NBPF8: variants seen among roughly 807,000 people sequenced by gnomAD.
The protein encoded by NBPF8 is NBPF member 8, also known as NBPF family member NBPF8.
upstream of NBPF8, among the ~76,000 whole-genome samples, chr1:120,431,737 C>A (rs1321566508): frequency 1.3e-5 from 2 of 151,792 alleles, no homozygotes; most frequent in Non-Finnish European, 2.9e-5. Flanking sequence ...TTAAACATAA[C>A]ACAAATCAGA....
chr1:120,425,454 TTGTTAACG>T (rs1309832952), intron 1 of NBPF8, among the ~76,000 whole-genome samples: 7 of 152,112 alleles, frequency 4.6e-5, no homozygotes, highest in Non-Finnish European at 1.5e-5. Context: ...GCAGAGACAT[TTGTTAACG>T]TGTTTACCTG....
exon 25 of NBPF8, chr1:120,467,726 C>T (rs1217558714): frequency 6.6e-6 from 1 of 151,842 alleles, no homozygotes; most frequent in Non-Finnish European, 1.5e-5. Flanking sequence ...ACAATTAAAA[C>T]CTTTTGCCTA....
chr1:120,418,327 TCA>T (rs1660481395), upstream of NBPF8, among the ~76,000 whole-genome samples: 2 of 66,750 alleles, frequency 3.0e-5, no homozygotes, highest in South Asian at 9.3e-4. Context: ...TATTTGAGCC[TCA>T]CAGAGCTACA....
rs1375342426 is a variant in NBPF8 at position 120,457,737 on chromosome 1, AT to A, written n.2621-1629del. ...TAAGACTTAAAGTATTAAAAAAAAA[AT>A]ATATATATATATATACATACACACA... On this transcript the variant is annotated intron_variant and non_coding_transcript_variant, in intron 16 of 24. Transcript: ENST00000583271. Among the ~76,000 whole-genome samples, 13 of 47,304 alleles carry A rather than the reference AT, an allele frequency of 2.7e-4. 2 individuals carry two copies. Among genetic ancestry groups the A allele is most frequent in the African/African-American group, 1.7e-3 (9 of 5,436 alleles). 31.0% of individuals were successfully genotyped at this position (47,304 alleles called of 152,430 possible).
At chr1:120,420,876 A>G (rs1357059576) in intron 1 of NBPF8, among the ~76,000 whole-genome samples, 1 of 147,988 alleles carries the variant, frequency 6.8e-6, no homozygotes, top group Non-Finnish European at 1.5e-5. Context: ...CACTGCAGGC[A>G]TTGAGAGGGG....
chr1:120,425,175 G>T (rs1348807120), intron 1 of NBPF8, among the ~76,000 whole-genome samples: 3 of 152,044 alleles, frequency 2.0e-5, no homozygotes, highest in African/African-American at 4.8e-5. Flanking sequence ...ACCCGTAAAG[G>T]GTCTGTGCTG....
chr1:120,432,983 A>G (rs1365906050), upstream of NBPF8: 2 of 152,218 alleles, frequency 1.3e-5, no homozygotes, highest in Admixed American at 6.5e-5. Context: ...AACATAATAG[A>G]GATTAACAGC....
At chr1:120,436,405 TACTG>T (rs1454371687) in exon 1 of NBPF8, 1 of 1,304,314 alleles carries the variant, frequency 7.7e-7, no homozygotes, top group Non-Finnish European at 1.1e-6. Flanking sequence ...GAATTTCAGT[TACTG>T]ACATCCCTCA....
chr1:120,469,043 G>T (rs1661833971), downstream of NBPF8, among the ~76,000 whole-genome samples: 18 of 150,706 alleles, frequency 1.2e-4, no homozygotes, highest in South Asian at 3.8e-3. Flanking sequence ...AGGTGGACTT[G>T]CTCCCTCCTA....
chr1:120,419,601 A>G (rs1312663487), upstream of NBPF8, among the ~76,000 whole-genome samples: 1 of 152,032 alleles, frequency 6.6e-6, no homozygotes, highest in Non-Finnish European at 1.5e-5. Context: ...TGAGACTACA[A>G]GTGTGTGCCA....
chr1:120,452,864 C>T (rs3969808), intron 13 of NBPF8, among the ~76,000 whole-genome samples: 36 of 152,008 alleles, frequency 2.4e-4, no homozygotes, highest in Non-Finnish European at 4.6e-4. Flanking sequence ...TATGTGGGGG[C>T]GTTTTGTGGT....
At chr1:120,419,599 C>T (rs1333255417), upstream of NBPF8, among the ~76,000 whole-genome samples, 8 of 152,184 alleles carry the variant, frequency 5.3e-5, no homozygotes, top group African/African-American at 1.9e-4. Context: ...GCTGAGACTA[C>T]AAGTGTGTGC....
At chr1:120,421,216 C>T (rs2101455094) in intron 1 of NBPF8, among the ~76,000 whole-genome samples, 1 of 152,262 alleles carries the variant, frequency 6.6e-6, no homozygotes, top group South Asian at 2.1e-4. Flanking sequence ...GGGGTTGTAC[C>T]CCATGGAAAC....
rs1261424068 is a variant in NBPF8, at chr1:120,454,222, G to A, written n.2568+108G>A. Reference sequence around the variant, plus strand: ...TTCATTTGAATAAAAAACTGTGATGGGTTTCTAAACAGATATCAGGGAGTT... The same window carrying A: ...TTCATTTGAATAAAAAACTGTGATGAGTTTCTAAACAGATATCAGGGAGTT... On this transcript the variant is annotated intron_variant and non_coding_transcript_variant, in intron 15 of 24. Coordinates refer to ENST00000583271, the Ensembl canonical transcript of NBPF8. The A allele has an allele frequency of 4.6e-6, 7 of 1,507,616 alleles. No homozygotes were observed. In the Admixed American group the frequency reaches 1.3e-4, roughly 27 times the overall value. The allele number at this position is 1,507,616 out of a possible 1,614,324, so 93.4% of individuals were successfully genotyped here. A position where few individuals can be genotyped will look rare whatever the true frequency, so the allele number is the denominator to read the frequency against.
At chr1:120,453,284 A>G in intron 13 of NBPF8, 88 bp from the exon 12 acceptor site, 1 of 581,296 alleles carries the variant, frequency 1.7e-6, no homozygotes, top group South Asian at 1.8e-5. Context: ...CCATGCCTAG[A>G]TGTTCATGTC....
At chr1:120,420,548 C>T (rs1225131617) in intron 1 of NBPF8, among the ~76,000 whole-genome samples, 1 of 151,256 alleles carries the variant, frequency 6.6e-6, no homozygotes, top group Non-Finnish European at 1.5e-5. Context: ...TAAGGCCCTG[C>T]ACTGTCCTGG....
At chr1:120,416,061 C>T (rs1272123368), upstream of NBPF8, among the ~76,000 whole-genome samples, 121 of 152,268 alleles carry the variant, frequency 7.9e-4, no homozygotes, top group Non-Finnish European at 1.6e-3. Context: ...TTCATCCTTT[C>T]TTTGCCGAAA....
At chr1:120,428,061 A>T (rs1178210842) in intron 3 of NBPF8, among the ~76,000 whole-genome samples, 11 of 152,216 alleles carry the variant, frequency 7.2e-5, no homozygotes, top group Non-Finnish European at 1.6e-4. Flanking sequence ...TTAGGCTTAA[A>T]TTTTTTAATG....
intron 23 of NBPF8, 23 bp from the exon 22 acceptor site, chr1:120,465,240 G>T: frequency 1.9e-6 from 1 of 527,684 alleles, no homozygotes; most frequent in South Asian, 1.7e-5. Flanking sequence ...TAATGTGTCT[G>T]TCCATGTCTG....
Sources: allele counts gnomAD v4.1 joint callset (sites outside exome capture counted in the v4.1 genomes callset), GRCh38; gene constraint gnomAD v4.1.1; transcripts MANE v1.5; gene names NCBI Gene and HGNC (gene_info 2026-07-23, HGNC 2026-07-21).